TFEC: variants seen among roughly 807,000 people sequenced by gnomAD.
The protein encoded by TFEC is transcription factor EC.
TFEC carries 31 observed loss-of-function variants against 41.6 expected under a neutral mutation model. The ratio of observed to expected loss-of-function variants is 0.74; its 90% CI spans 0.56 to 1.01. TFEC has a LOEUF of 1.01. Among genes scored for constraint, TFEC ranks in the 50% least tolerant of loss-of-function variants. The probability of loss-of-function intolerance (pLI) is 0.00; values close to 1 mark genes in which losing one functional copy is unlikely to be tolerated. For missense variants in TFEC, 402 were observed against 404.1 expected (o/e 0.99, Z 0.04); for synonymous variants, 143 against 140.6 (o/e 1.02, Z -0.12).
rs534718638 is a variant in TFEC at position 115,945,092 on chromosome 7, A to G, written c.516-3052T>C. Reference sequence around the variant, plus strand: ...TTTAATGGTTGTAGTCACCTGTTCAACAAGTTATTCAAAAATTTGCTAAAC... The same window carrying G: ...TTTAATGGTTGTAGTCACCTGTTCAGCAAGTTATTCAAAAATTTGCTAAAC... On this transcript the variant is annotated intron_variant, in intron 6 of 7. Coordinates refer to ENST00000265440, the MANE Select transcript of TFEC (RefSeq NM_012252.4). Among the ~76,000 whole-genome samples, 4 of 147,942 alleles carry G rather than the reference A, an allele frequency of 2.7e-5. No homozygotes were observed. The South Asian group carries it at 7.1e-4, about 26-fold the overall frequency.
intron 1 of TFEC, among the ~76,000 whole-genome samples, chr7:116,149,135 T>C (rs1294896189): frequency 6.6e-6 from 1 of 152,058 alleles, no homozygotes; most frequent in African/African-American, 2.4e-5. Flanking sequence ...AAAAAATAAT[T>C]ATTAGAGCTG....
At chr7:116,075,341 C>T (rs1287730719) in intron 3 of TFEC, among the ~76,000 whole-genome samples, 1 of 152,170 alleles carries the variant, frequency 6.6e-6, no homozygotes, top group Non-Finnish European at 1.5e-5. Context: ...TGAAATTTTG[C>T]TCCAAGAACT....
chr7:116,077,351 A>G (rs905727792), intron 3 of TFEC, among the ~76,000 whole-genome samples: 2 of 152,126 alleles, frequency 1.3e-5, no homozygotes, highest in African/African-American at 4.8e-5. Context: ...CTATACAACA[A>G]TAACACAATG....
chr7:116,074,966 T>C (rs748403592), intron 3 of TFEC, among the ~76,000 whole-genome samples: 23 of 152,284 alleles, frequency 1.5e-4, no homozygotes, highest in Non-Finnish European at 2.9e-4. Context: ...TTCTGATACA[T>C]GACATCCTAT....
intron 3 of TFEC, among the ~76,000 whole-genome samples, chr7:115,963,329 G>A (rs992407589): frequency 6.6e-6 from 1 of 151,786 alleles, no homozygotes; most frequent in African/African-American, 2.4e-5. Context: ...AAATTGAGGA[G>A]TGCTGGTGGT....
chr7:115,937,663 A>G lies in TFEC; in HGVS notation c.*2888T>C, dbSNP rs1441498840. On this transcript the variant is annotated 3_prime_UTR_variant, in exon 8 of 8. Coordinates refer to ENST00000265440, the MANE Select transcript of TFEC (RefSeq NM_012252.4). ...TTTAGTGAATAATCTAAAGTTTGGT[A>G]CACTATTACTTTCCTATGCAACCTC... The G allele has an allele frequency of 1.3e-5, 2 of 151,780 alleles. 1 individual carries two copies. Among genetic ancestry groups the G allele is most frequent in the Admixed American group, 1.3e-4 (2 of 15,194 alleles). 9.4% of individuals were successfully genotyped at this position (151,780 alleles called of 1,614,324 possible). A position where few individuals can be genotyped will look rare whatever the true frequency, so the allele number is the denominator to read the frequency against.
intron 1 of TFEC, among the ~76,000 whole-genome samples, chr7:116,123,416 C>T (rs1348747472): frequency 3.3e-5 from 5 of 152,054 alleles, no homozygotes; most frequent in Non-Finnish European, 1.5e-5. Context: ...CAATTAGCTA[C>T]TTTGTCATCT....
chr7:116,043,358 C>T (rs1009988571), intron 3 of TFEC, among the ~76,000 whole-genome samples: 25 of 151,930 alleles, frequency 1.6e-4, no homozygotes, highest in Non-Finnish European at 3.1e-4. Context: ...TCACACTCTA[C>T]AAACAGAAGA....
chr7:115,990,867 G>A (rs1282379312), intron 1 of TFEC, among the ~76,000 whole-genome samples: 1 of 152,078 alleles, frequency 6.6e-6, no homozygotes, highest in African/African-American at 2.4e-5. Context: ...TTCAAATTCA[G>A]GAAATGCAGA....
At chr7:115,996,367 A>G (rs895197067) in intron 1 of TFEC, among the ~76,000 whole-genome samples, 1 of 152,152 alleles carries the variant, frequency 6.6e-6, no homozygotes, top group African/African-American at 2.4e-5. Context: ...GGAAGGATCC[A>G]GTCATGGCAG....
intron 1 of TFEC, among the ~76,000 whole-genome samples, chr7:116,130,293 T>C (rs1225150484): frequency 6.6e-6 from 1 of 152,236 alleles, no homozygotes; most frequent in Non-Finnish European, 1.5e-5. Flanking sequence ...AGCTGAGGCC[T>C]AATCTGACTC....
At chr7:116,137,488 C>T (rs1034831119) in intron 1 of TFEC, among the ~76,000 whole-genome samples, 20 of 152,068 alleles carry the variant, frequency 1.3e-4, no homozygotes, top group Admixed American at 1.0e-3. Flanking sequence ...GTGACTCTCT[C>T]GTAAACTTGA....
At chr7:116,032,496 C>G (rs1218680060), upstream of TFEC, among the ~76,000 whole-genome samples, 1 of 152,088 alleles carries the variant, frequency 6.6e-6, no homozygotes, top group East Asian at 1.9e-4. Flanking sequence ...GAATACTATA[C>G]AGTCATAAAA....
At chr7:116,118,070 T>TC (rs1490493722) in intron 1 of TFEC, among the ~76,000 whole-genome samples, 3 of 151,786 alleles carry the variant, frequency 2.0e-5, no homozygotes, top group African/African-American at 4.8e-5. Flanking sequence ...CACCAAAAGA[T>TC]CAACTGATTT....
At chr7:116,132,844 A>G (rs1014110078) in intron 1 of TFEC, among the ~76,000 whole-genome samples, 2 of 152,222 alleles carry the variant, frequency 1.3e-5, no homozygotes, top group African/African-American at 2.4e-5. Flanking sequence ...ATGGCAAAGC[A>G]TCATTAAATT....
At chr7:116,022,422 T>C (rs1405460091) in intron 1 of TFEC, among the ~76,000 whole-genome samples, 1 of 152,238 alleles carries the variant, frequency 6.6e-6, no homozygotes, top group Non-Finnish European at 1.5e-5. Flanking sequence ...ATTTTGGAAT[T>C]AGCCCACCTA....
chr7:115,969,677 C>A (rs1793042820), intron 3 of TFEC, among the ~76,000 whole-genome samples: 1 of 151,954 alleles, frequency 6.6e-6, no homozygotes, highest in Non-Finnish European at 1.5e-5. Flanking sequence ...GAAACAGGAT[C>A]TGATTATTTC....
At chr7:116,091,585 G>C (rs1326371145) in intron 3 of TFEC, among the ~76,000 whole-genome samples, 2 of 151,994 alleles carry the variant, frequency 1.3e-5, no homozygotes, top group Non-Finnish European at 2.9e-5. Context: ...AATAAAACTA[G>C]AGACTCAAGA....
intron 3 of TFEC, among the ~76,000 whole-genome samples, chr7:116,050,245 T>C (rs900923908): frequency 6.6e-6 from 1 of 151,390 alleles, no homozygotes; most frequent in Non-Finnish European, 1.5e-5. Context: ...GCAAGACTAA[T>C]AAAGAAGAAA....
Sources: gnomAD v4.1 joint callset for allele counts (sites outside exome capture counted in the v4.1 genomes callset) on GRCh38, gnomAD v4.1.1 for gene constraint, MANE v1.5 for transcripts, NCBI Gene and HGNC (gene_info 2026-07-23, HGNC 2026-07-21) for gene names.